The following SYT1 variants were observed in gnomAD, a reference collection of about 807,000 sequenced individuals.
The protein encoded by SYT1 is synaptotagmin-1.
A neutral mutation model predicts 44.8 loss-of-function variants in SYT1; 8 were observed. That is an observed-to-expected ratio of 0.18 (90% confidence interval 0.10 to 0.32). The LOEUF (loss-of-function observed/expected upper bound fraction) is 0.32, where lower values mean the gene tolerates loss of function less well. Among genes scored for constraint, SYT1 ranks in the 10% least tolerant of loss-of-function variants. The probability of loss-of-function intolerance (pLI) is 1.00; values close to 1 mark genes in which losing one functional copy is unlikely to be tolerated. For missense variants in SYT1, 286 were observed against 509.3 expected (o/e 0.56, Z 4.22); for synonymous variants, 154 against 188.8 (o/e 0.82, Z 1.51).
At chr12:79,276,685 A>C (rs1565886908) in intron 4 of SYT1, among the ~76,000 whole-genome samples, 1 of 151,336 alleles carries the variant, frequency 6.6e-6, no homozygotes, top group African/African-American at 2.4e-5. Context: ...AAAAAAAAAA[A>C]CAAAAAAACC....
At chr12:79,321,839 G>A (rs1881374767) in intron 8 of SYT1, among the ~76,000 whole-genome samples, 1 of 152,142 alleles carries the variant, frequency 6.6e-6, no homozygotes, top group Non-Finnish European at 1.5e-5. Context: ...TAAGTAACTG[G>A]GAACAGAAAC....
chr12:79,114,729 T>C, intron 3 of SYT1, among the ~76,000 whole-genome samples: 1 of 152,180 alleles, frequency 6.6e-6, no homozygotes, highest in East Asian at 1.9e-4. Flanking sequence ...CAGGCCTATA[T>C]TGATGTGTTT....
intron 3 of SYT1, among the ~76,000 whole-genome samples, chr12:79,215,300 A>G (rs971664280): frequency 1.3e-5 from 2 of 152,170 alleles, no homozygotes; most frequent in African/African-American, 4.8e-5. Flanking sequence ...GAACAAACTA[A>G]TATGCCAGTG....
At chr12:79,295,953 T>C (rs1879854850) in intron 6 of SYT1, 116 bp from the exon 7 acceptor site, 1 of 1,179,222 alleles carries the variant, frequency 8.5e-7, no homozygotes, top group Admixed American at 3.0e-5. Context: ...ATCAGAGTTT[T>C]ATTAAAAATA....
intron 3 of SYT1, among the ~76,000 whole-genome samples, chr12:79,145,242 C>G (rs752992103): frequency 4.7e-4 from 71 of 151,992 alleles, no homozygotes; most frequent in Non-Finnish European, 2.9e-4. Context: ...AATATATTAT[C>G]TAATTTTATA....
At chr12:79,169,739 T>G (rs754416821) in intron 3 of SYT1, among the ~76,000 whole-genome samples, 4 of 152,054 alleles carry the variant, frequency 2.6e-5, no homozygotes, top group Non-Finnish European at 4.4e-5. Context: ...AGTGCATGTT[T>G]GTTTCATAGG....
At chr12:79,027,122 T>A (rs2137653324) in intron 2 of SYT1, among the ~76,000 whole-genome samples, 1 of 151,726 alleles carries the variant, frequency 6.6e-6, no homozygotes, top group African/African-American at 2.4e-5. Context: ...ATCTGCTGCC[T>A]CAGGCCACTG....
At chr12:79,106,471 C>A (rs1377546249) in intron 3 of SYT1, among the ~76,000 whole-genome samples, 1 of 149,114 alleles carries the variant, frequency 6.7e-6, no homozygotes, top group African/African-American at 2.5e-5. Flanking sequence ...TATGGCATGG[C>A]AAACAACTGA....
chr12:79,376,062 A>C (rs2136060295), intron 9 of SYT1, among the ~76,000 whole-genome samples: 1 of 152,314 alleles, frequency 6.6e-6, no homozygotes, highest in African/African-American at 2.4e-5. Flanking sequence ...TTCTCATTAC[A>C]CTTCATTTTG....
At chr12:79,441,951 C>A (rs1870448551) in intron 9 of SYT1, among the ~76,000 whole-genome samples, 1 of 152,206 alleles carries the variant, frequency 6.6e-6, no homozygotes, top group African/African-American at 2.4e-5. Context: ...TTACCCTATT[C>A]TCCCCAAGGC....
intron 8 of SYT1, among the ~76,000 whole-genome samples, chr12:79,307,635 C>T (rs1016791441): frequency 3.5e-4 from 3 of 8,452 alleles, no homozygotes; most frequent in Non-Finnish European, 5.5e-4. Flanking sequence ...GGTGGGGGGG[C>T]GTGGGGGGGG....
At chr12:78,905,162 G>A (rs1056600378) in intron 1 of SYT1, among the ~76,000 whole-genome samples, 9 of 151,994 alleles carry the variant, frequency 5.9e-5, no homozygotes, top group African/African-American at 2.2e-4. Flanking sequence ...GTTTTCTGTG[G>A]GCCAGAAAAG....
chr12:79,070,594 C>CT (rs890074910), intron 3 of SYT1, among the ~76,000 whole-genome samples: 59 of 151,890 alleles, frequency 3.9e-4, no homozygotes, highest in African/African-American at 1.3e-3. Flanking sequence ...TTTTTCTCTT[C>CT]TTTTTTTTCT....
chr12:79,127,490 C>G (rs1289784903), intron 3 of SYT1, among the ~76,000 whole-genome samples: 1 of 152,316 alleles, frequency 6.6e-6, no homozygotes, highest in Admixed American at 6.5e-5. Flanking sequence ...ATGTGGGAAA[C>G]TTACTTAATG....
chr12:79,180,382 G>A lies in SYT1; in HGVS notation c.-17-37121G>A, dbSNP rs75213524. On this transcript the variant is annotated intron_variant, in intron 3 of 10. Transcript: ENST00000261205. Reference sequence around the variant, plus strand: ...CAGAGAAGACTATAATTCTAGACAAGCCTCAACATATGTAATCATTTAAAG... The same window carrying A: ...CAGAGAAGACTATAATTCTAGACAAACCTCAACATATGTAATCATTTAAAG... 3.9e-3 allele frequency among the ~76,000 whole-genome samples: 586 copies of A among 152,098 alleles called. 8 individuals carry two copies. The highest frequency in any genetic ancestry group is 0.014 in the African/African-American group (573 of 41,538).
intron 2 of SYT1, among the ~76,000 whole-genome samples, chr12:78,982,895 T>C (rs1361355200): frequency 2.6e-5 from 4 of 152,318 alleles, no homozygotes; most frequent in Admixed American, 6.5e-5. Context: ...GTTTCTTCAA[T>C]GTTTTTATTA....
chr12:79,143,793 G>T (rs1869711726), intron 3 of SYT1, among the ~76,000 whole-genome samples: 1 of 152,066 alleles, frequency 6.6e-6, no homozygotes, highest in Non-Finnish European at 1.5e-5. Flanking sequence ...TAGTTAATTA[G>T]ACTATATTAC....
intron 3 of SYT1, among the ~76,000 whole-genome samples, chr12:79,182,924 T>C (rs995692591): frequency 1.3e-5 from 2 of 152,132 alleles, no homozygotes; most frequent in Non-Finnish European, 2.9e-5. Context: ...GATAATAATA[T>C]TGTTATAGCT....
chr12:78,872,826 A>C (rs1285634087), intron 1 of SYT1, among the ~76,000 whole-genome samples: 1 of 151,776 alleles, frequency 6.6e-6, no homozygotes, highest in East Asian at 1.9e-4. Flanking sequence ...TAAATAAAGG[A>C]GCAGCCTTTT....
Sources: gnomAD v4.1 joint callset for allele counts (sites outside exome capture counted in the v4.1 genomes callset) on GRCh38, gnomAD v4.1.1 for gene constraint, MANE v1.5 for transcripts, NCBI Gene and HGNC (gene_info 2026-07-23, HGNC 2026-07-21) for gene names.